The following CRISPLD1 variants were observed in gnomAD, a reference collection of about 807,000 sequenced individuals.
CRISPLD1 encodes the protein cysteine-rich secretory protein LCCL domain-containing 1.
Under a neutral mutation model 77.5 loss-of-function variants are expected in CRISPLD1, and 60 were observed. That is an observed-to-expected ratio of 0.77 (90% CI 0.63 to 0.96). The LOEUF (loss-of-function observed/expected upper bound fraction) is 0.96, where lower values mean the gene tolerates loss of function less well. Among genes scored for constraint, CRISPLD1 ranks in the 40% least tolerant of loss-of-function variants. The pLI is 0.00. For synonymous variants in CRISPLD1, 195 were observed against 200.1 expected (o/e 0.97, Z 0.22); for missense variants, 623 against 615.8 (o/e 1.01, Z -0.12).
chr8:75,027,456 T>G (rs1813253399), intron 13 of CRISPLD1, among the ~76,000 whole-genome samples: 1 of 152,240 alleles, frequency 6.6e-6, no homozygotes, highest in Non-Finnish European at 1.5e-5. Context: ...GTGAAAGTCT[T>G]TCAAAATATC....
intron 2 of CRISPLD1, among the ~76,000 whole-genome samples, chr8:74,989,096 G>A (rs1476540992): frequency 1.3e-5 from 2 of 152,036 alleles, no homozygotes; most frequent in African/African-American, 4.8e-5. Context: ...AAGAGTTGGG[G>A]GTATACATCA....
chr8:74,985,232 TC>T (rs968435994), intron 1 of CRISPLD1, among the ~76,000 whole-genome samples: 2 of 152,104 alleles, frequency 1.3e-5, no homozygotes, highest in African/African-American at 4.8e-5. Context: ...GCTGCTGGCT[TC>T]TTCGGGTGCA....
chr8:74,989,916 G>A lies in CRISPLD1; in HGVS notation c.258+3671G>A, dbSNP rs763742649. On this transcript the variant is annotated intron_variant, in intron 2 of 14. Transcript: ENST00000262207. The stretch of plus-strand genomic sequence containing the variant: ...TTTAATTCATAAATCATGCAGTGTC[G>A]CTCAGCCATAAAAAAGAATGAAATC... Among the ~76,000 whole-genome samples the A allele has an allele frequency of 2.1e-4, 32 of 151,996 alleles. 1 individual carries two copies. Among genetic ancestry groups the A allele is most frequent in the Non-Finnish European group, 4.0e-4 (27 of 68,006 alleles).
At chr8:75,009,949 C>G (rs1426348514) in intron 2 of CRISPLD1, among the ~76,000 whole-genome samples, 1 of 151,844 alleles carries the variant, frequency 6.6e-6, no homozygotes, top group East Asian at 1.9e-4. Flanking sequence ...AATAATATGC[C>G]TGTAATTGGC....
chr8:75,017,349 T>C lies in CRISPLD1; in HGVS notation c.1026T>C (p.His342=). 2 of 1,609,140 alleles carry C rather than the reference T, an allele frequency of 1.2e-6. No homozygotes were observed. Among genetic ancestry groups the C allele is most frequent in the Non-Finnish European group, 1.7e-6 (2 of 1,178,560 alleles). The part of the protein sequence containing the change: ...MQSSICRAAI[H]YGIIDNDGGW... ...CCAGCATCTGTAGAGCTGCAATTCA[T>C]TATGGTATAATAGACAATGATGGTG... The change falls in exon 10 of 15, where the codon CAT becomes CAC. Residue 342 remains histidine, a synonymous_variant. Transcript: ENST00000262207.
chr8:74,985,721 T>G (rs868232002), intron 1 of CRISPLD1, among the ~76,000 whole-genome samples: 2 of 152,162 alleles, frequency 1.3e-5, no homozygotes, highest in Non-Finnish European at 2.9e-5. Context: ...TTGTCTAGTT[T>G]GTGGAAATTG....
At chr8:75,019,712 GC>G (rs1196392321) in intron 10 of CRISPLD1, among the ~76,000 whole-genome samples, 157 bp from the exon 11 acceptor site, 1 of 152,082 alleles carries the variant, frequency 6.6e-6, no homozygotes, top group Non-Finnish European at 1.5e-5. Context: ...TATGGATTTA[GC>G]ATAAAACTGA....
chr8:75,011,756 A>G (rs1812935181), intron 2 of CRISPLD1, among the ~76,000 whole-genome samples: 1 of 152,134 alleles, frequency 6.6e-6, no homozygotes, highest in South Asian at 2.1e-4. Flanking sequence ...TTTAACAAGC[A>G]TTTATTAATC....
intron 14 of CRISPLD1, among the ~76,000 whole-genome samples, chr8:75,031,169 A>G (rs9969652): frequency 0.42 from 64,336 of 151,826 alleles, 16,167 homozygotes; most frequent in African/African-American, 0.71. Context: ...AACCTGGCAT[A>G]CATGCATGCA....
chr8:74,986,712 A>G (rs1321443181), intron 2 of CRISPLD1, among the ~76,000 whole-genome samples: 1 of 152,194 alleles, frequency 6.6e-6, no homozygotes, highest in Non-Finnish European at 1.5e-5. Flanking sequence ...ATTGTAAAGG[A>G]TACATTTTTA....
At chr8:75,015,844 C>T (rs530467522) in intron 6 of CRISPLD1, among the ~76,000 whole-genome samples, 20 of 152,144 alleles carry the variant, frequency 1.3e-4, no homozygotes, top group African/African-American at 4.8e-4. Flanking sequence ...AACCTACCTG[C>T]CTCTTCCCCG....
At position 75,015,500 on chromosome 8, in the gene CRISPLD1, A is replaced by G. The variant is rs545350428; in HGVS notation, c.727+588A>G. Among the ~76,000 whole-genome samples, 5 of 152,292 alleles carry G rather than the reference A, an allele frequency of 3.3e-5. No homozygotes were observed. In the East Asian group the frequency reaches 9.6e-4, roughly 29 times the overall value. On this transcript the variant is annotated intron_variant, in intron 6 of 14. Transcript: ENST00000262207. ...TATGGTGTCCTGTTTATAGCACATA[A>G]AGATAAACTGTTATGACAAAGCTTT...
chr8:75,000,353 C>G, intron 2 of CRISPLD1: 1 of 985,342 alleles, frequency 1.0e-6, no homozygotes. Flanking sequence ...AACATGGAAA[C>G]TCCTGTGTGG....
intron 12 of CRISPLD1, among the ~76,000 whole-genome samples, chr8:75,024,826 G>A (rs1027222821): frequency 2.6e-5 from 4 of 152,140 alleles, no homozygotes; most frequent in Admixed American, 2.6e-4. Flanking sequence ...GGAAATTGCT[G>A]ATGGGTTGAA....
intron 2 of CRISPLD1, among the ~76,000 whole-genome samples, chr8:74,998,230 A>G (rs920617096): frequency 2.6e-5 from 4 of 152,170 alleles, no homozygotes; most frequent in African/African-American, 9.7e-5. Context: ...AACTGTCAAG[A>G]TCATCAGCTG....
chr8:75,008,443 AAAT>A (rs1812872911), intron 2 of CRISPLD1, among the ~76,000 whole-genome samples: 1 of 152,192 alleles, frequency 6.6e-6, no homozygotes, highest in South Asian at 2.1e-4. Context: ...TTAAAACGTG[AAAT>A]AATATGTTGT....
At chr8:75,003,462 G>A (rs2049736939) in intron 2 of CRISPLD1, among the ~76,000 whole-genome samples, 1 of 152,014 alleles carries the variant, frequency 6.6e-6, no homozygotes, top group South Asian at 2.1e-4. Flanking sequence ...TTTGATATGT[G>A]AATATAAAAC....
chr8:75,019,188 T>C (rs1034747100), intron 10 of CRISPLD1, among the ~76,000 whole-genome samples: 1 of 152,188 alleles, frequency 6.6e-6, no homozygotes, highest in African/African-American at 2.4e-5. Context: ...AATTTGAAGC[T>C]GATGGAAATA....
chr8:75,018,608 AGGCTTG>A (rs1316177361), intron 10 of CRISPLD1, among the ~76,000 whole-genome samples: 1 of 151,832 alleles, frequency 6.6e-6, no homozygotes, highest in African/African-American at 2.4e-5. Context: ...TCTTATTAAA[AGGCTTG>A]AAGGGTGGTT....
Sources: allele counts gnomAD v4.1 joint callset (sites outside exome capture counted in the v4.1 genomes callset), GRCh38; gene constraint gnomAD v4.1.1; transcripts MANE v1.5; gene names NCBI Gene and HGNC (gene_info 2026-07-23, HGNC 2026-07-21).